SHC4: variants seen among roughly 807,000 people sequenced by gnomAD.
SHC4 encodes the protein SHC-transforming protein 4.
Under a neutral mutation model 69.4 loss-of-function variants are expected in SHC4, and 41 were observed. The ratio of observed to expected loss-of-function variants is 0.59; its 90% CI spans 0.46 to 0.77. The LOEUF (loss-of-function observed/expected upper bound fraction) is 0.77. Ranked by LOEUF, SHC4 falls within the 30% of genes least tolerant of loss-of-function variation. The pLI is 0.00. For synonymous variants in SHC4, 318 were observed against 299.3 expected, an observed-to-expected ratio of 1.06 and a Z score of -0.64; for missense variants, 777 against 783.8, an observed-to-expected ratio of 0.99 and a Z score of 0.10.
rs1344616118 is a variant in SHC4 at position 48,867,863 on chromosome 15, T to C, written c.901A>G (p.Thr301Ala). Residue 301 changes from threonine (T) to alanine (A), a missense_variant, in exon 6 of 12, where the codon ACA becomes GCA. By Grantham distance (58) the Thr-to-Ala change is moderately conservative. Transcript: ENST00000332408. Reference protein sequence around the residue: ...SFASGGDPDTTDYVAYVAKDP... With the variant: ...SFASGGDPDTADYVAYVAKDP... ...TTAGCTACGTAGGCAACATAGTCTG[T>C]AGTATCCTATAAAAAAGGGAAAATG... is the stretch of plus-strand genomic sequence containing the variant. 6.2e-6 allele frequency: 10 copies of C among 1,612,604 alleles called. No individual in the cohort carries two copies. Among genetic ancestry groups the C allele is most frequent in the Non-Finnish European group, 8.5e-6 (10 of 1,179,078 alleles).
chr15:48,958,707 A>T (rs1901492393), intron 1 of SHC4, among the ~76,000 whole-genome samples: 1 of 152,202 alleles, frequency 6.6e-6, no homozygotes, highest in Non-Finnish European at 1.5e-5. Flanking sequence ...GATTTTCCAC[A>T]TTCCCCACTA....
At chr15:48,861,484 A>G (rs552848207) in intron 6 of SHC4, among the ~76,000 whole-genome samples, 3 of 152,352 alleles carry the variant, frequency 2.0e-5, no homozygotes, top group Non-Finnish European at 4.4e-5. Context: ...GGGACAGGAT[A>G]GAGGTGGGCC....
chr15:48,883,313 C>T (rs748438256), intron 4 of SHC4, among the ~76,000 whole-genome samples: 2 of 152,054 alleles, frequency 1.3e-5, no homozygotes, highest in Non-Finnish European at 2.9e-5. Flanking sequence ...AAATAAGTAC[C>T]ATAATCCTCA....
At chr15:48,952,413 A>G (rs1417825002) in intron 1 of SHC4, among the ~76,000 whole-genome samples, 3 of 152,174 alleles carry the variant, frequency 2.0e-5, no homozygotes, top group Non-Finnish European at 4.4e-5. Context: ...GTGAAAATGA[A>G]GTTACTAGTA....
intron 7 of SHC4, among the ~76,000 whole-genome samples, chr15:48,857,370 T>C (rs1224194826): frequency 6.6e-6 from 1 of 152,114 alleles, no homozygotes; most frequent in Non-Finnish European, 1.5e-5. Flanking sequence ...TTTATTGATG[T>C]TTATTATTTT....
At chr15:48,926,720 C>T (rs1900860595) in intron 1 of SHC4, among the ~76,000 whole-genome samples, 1 of 152,114 alleles carries the variant, frequency 6.6e-6, no homozygotes, top group Admixed American at 6.5e-5. Flanking sequence ...ACTTTGGCCT[C>T]CCAAAGTGCT....
chr15:48,862,962 T>C (rs1219573477), intron 6 of SHC4, among the ~76,000 whole-genome samples: 1 of 151,856 alleles, frequency 6.6e-6, no homozygotes, highest in Non-Finnish European at 1.5e-5. Flanking sequence ...TTTCTGCACC[T>C]GCAGGCCTGG....
chr15:48,962,357 A>T, intron 1 of SHC4, 74 bp downstream of exon 1: 1 of 1,434,652 alleles, frequency 7.0e-7, no homozygotes, highest in Non-Finnish European at 9.4e-7. Context: ...GTAACATTAG[A>T]CCCCTTGCAG....
At position 48,962,700 on chromosome 15, in the gene SHC4, T is replaced by C; in HGVS notation, c.316A>G (p.Asn106Asp). ...ACCTCTTTGGTACCCAGGCAAAAGT[T>C]TTTCAGACTCAGCAAAGTGGCCGGG... The part of the protein sequence containing the change: ...ANPATLLSLK[N>D]FCLGTKEVPR... The change falls in exon 1 of 12, where the codon AAC becomes GAC. Residue 106 changes from asparagine (N) to aspartate (D), a missense_variant. Transcript: ENST00000332408. The C allele has an allele frequency of 6.2e-7, 1 of 1,614,064 alleles. No individual in the cohort carries two copies. The highest frequency in any genetic ancestry group is 1.1e-5 in the South Asian group (1 of 91,084).
chr15:48,927,946 A>C (rs1276619165), intron 1 of SHC4, among the ~76,000 whole-genome samples: 1 of 152,216 alleles, frequency 6.6e-6, no homozygotes, highest in African/African-American at 2.4e-5. Flanking sequence ...TAAAGATCAC[A>C]ATCACTGCCA....
At chr15:48,937,071 T>A (rs1467710037) in intron 1 of SHC4, among the ~76,000 whole-genome samples, 1 of 152,238 alleles carries the variant, frequency 6.6e-6, no homozygotes, top group Non-Finnish European at 1.5e-5. Context: ...AATGGCTCTT[T>A]CTGCTGCTGG....
rs1898969829 is a variant in SHC4, at chr15:48,840,409, C to T, written c.1483+3000G>A. On this transcript the variant is annotated intron_variant, in intron 10 of 11. Transcript: ENST00000332408. ...TAGTGTGACAAGATGAACTGAGGAG[C>T]CCTAAGAGCATACCTGAGAGACATT... 2.0e-5 allele frequency among the ~76,000 whole-genome samples: 3 copies of T among 152,076 alleles called. No individual in the cohort carries two copies. In the South Asian group the frequency reaches 6.2e-4, roughly 32 times the overall value.
At chr15:48,851,334 G>C in intron 8 of SHC4, 86 bp from the exon 9 acceptor site, 1 of 1,244,642 alleles carries the variant, frequency 8.0e-7, no homozygotes, top group Non-Finnish European at 1.1e-6. Context: ...AATCCCAGAA[G>C]AATATAGCAG....
chr15:48,872,095 C>T lies in SHC4; in HGVS notation c.888G>A (p.Gly296=). 6.3e-7 allele frequency: 1 copy of T among 1,592,422 alleles called. No individual in the cohort carries two copies. Among genetic ancestry groups the T allele is most frequent in the Admixed American group, 1.7e-5 (1 of 57,762 alleles). Residue 296 remains glycine, a synonymous_variant, in exon 5 of 12, where the codon GGG becomes GGA. Transcript: ENST00000332408. The part of the protein sequence containing the change: ...HMQSISFASG[G]DPDTTDYVAY... ...TCTGTGAATCCATACTTACAGGATC[C>T]CCTCCAGAGGCAAATGAAATAGACT...
chr15:48,829,326 G>C (rs1015731063), intron 11 of SHC4, among the ~76,000 whole-genome samples: 4 of 152,042 alleles, frequency 2.6e-5, no homozygotes, highest in African/African-American at 7.2e-5. Context: ...ATTGAAAGTG[G>C]AGCATTAAAA....
At chr15:48,856,505 T>C (rs974947768) in intron 7 of SHC4, among the ~76,000 whole-genome samples, 1 of 152,190 alleles carries the variant, frequency 6.6e-6, no homozygotes, top group East Asian at 1.9e-4. Context: ...TGGAAAGTTT[T>C]GCCCAGATAA....
In SHC4 at chr15:48,884,479, A is replaced by G. The variant is rs1001746365; in HGVS notation, c.721-112T>C. ...GTCAAAGTCCAAACTCTTCCTCTCTATTTTACTTTATGTAAATCAAATGAA... is the reference window on the plus strand; with the variant it reads ...GTCAAAGTCCAAACTCTTCCTCTCTGTTTTACTTTATGTAAATCAAATGAA... On this transcript the variant is annotated intron_variant, in intron 3 of 11. Transcript: ENST00000332408. 3.3e-6 allele frequency: 3 copies of G among 900,446 alleles called. No homozygotes were observed. In the African/African-American group the frequency reaches 5.2e-5, roughly 16 times the overall value. The allele number at this position is 900,446 out of a possible 1,614,324, so 55.8% of individuals were successfully genotyped here.
intron 3 of SHC4, 69 bp downstream of exon 3, chr15:48,890,679 A>C: frequency 6.3e-7 from 1 of 1,581,190 alleles, no homozygotes; most frequent in South Asian, 1.1e-5. Context: ...GGATGAACGA[A>C]CAGCGATTTT....
At chr15:48,841,522 C>T (rs1382461046) in intron 10 of SHC4, among the ~76,000 whole-genome samples, 1 of 152,160 alleles carries the variant, frequency 6.6e-6, no homozygotes, top group Non-Finnish European at 1.5e-5. Context: ...CTCAGCTGCC[C>T]AGGGTTTGAC....
Sources: allele counts gnomAD v4.1 joint callset (sites outside exome capture counted in the v4.1 genomes callset), GRCh38; gene constraint gnomAD v4.1.1; transcripts MANE v1.5; gene names NCBI Gene and HGNC (gene_info 2026-07-23, HGNC 2026-07-21).